The following ECT2 variants were observed in gnomAD, a reference collection of about 807,000 sequenced individuals.
The protein encoded by ECT2 is epithelial cell transforming 2, also known as protein ECT2.
A neutral mutation model predicts 116.9 loss-of-function variants in ECT2; 61 were observed. The ratio of observed to expected loss-of-function variants is 0.52; its 90% CI spans 0.42 to 0.65. ECT2 has a LOEUF of 0.65. Ranked by LOEUF, ECT2 falls within the 30% of genes least tolerant of loss-of-function variation. The pLI is 0.00. For synonymous variants in ECT2, 358 were observed against 346.4 expected (o/e 1.03, Z -0.37); for missense variants, 937 against 1,078.7 (o/e 0.87, Z 1.84).
intron 18 of ECT2, among the ~76,000 whole-genome samples, chr3:172,793,200 T>TCA (rs1430718172): frequency 6.6e-6 from 1 of 152,182 alleles, no homozygotes; most frequent in African/African-American, 2.4e-5. Flanking sequence ...GGAGTCTCAC[T>TCA]CTGTCTCCAG....
At chr3:172,784,648 T>C (rs80030791) in intron 16 of ECT2, 59 bp from the exon 17 acceptor site, 49,612 of 1,229,446 alleles carry the variant, frequency 0.04, 1,675 homozygotes, top group East Asian at 0.17. Context: ...CCAGTAAAAG[T>C]AGGGCATATA....
downstream of ECT2, among the ~76,000 whole-genome samples, chr3:172,822,480 T>C (rs1276525051): frequency 6.6e-6 from 1 of 151,942 alleles, no homozygotes; most frequent in African/African-American, 2.4e-5. Flanking sequence ...TACCAAAGAC[T>C]AGTTGAAGGG....
Position 172,757,080 on chromosome 3 carries a change from A to G in ECT2, c.401A>G (p.Gln134Arg), listed in dbSNP as rs747324409. The change falls in exon 5 of 25, where the codon CAG (glutamine) becomes CGG (arginine). Residue 134 changes from glutamine to arginine, a missense_variant. Transcript: ENST00000392692. The part of the protein sequence containing the change: ...FENVFVVTDF[Q>R]DSVFNDLYKA... Reference sequence around the variant, plus strand: ...AATGTATTTGTAGTCACGGACTTTCAGGATTCTGTCTTTAATGACCTCTAC... The same window carrying G: ...AATGTATTTGTAGTCACGGACTTTCGGGATTCTGTCTTTAATGACCTCTAC... 1 of 1,610,632 alleles carries G rather than the reference A, an allele frequency of 6.2e-7. No homozygotes were observed.
chr3:172,760,262 G>A lies in ECT2; in HGVS notation c.683G>A (p.Arg228Lys), dbSNP rs776775800. 1.9e-6 allele frequency: 3 copies of A among 1,602,070 alleles called. No homozygotes were observed. The Admixed American group carries it at 5.1e-5, about 27-fold the overall frequency. The change falls in exon 7 of 25, where the codon AGG (arginine) becomes AAG (lysine). Residue 228 changes from arginine (R) to lysine (K), a missense_variant and splice_region_variant. Physicochemically the swap from Arg to Lys is conservative, Grantham distance 26 (BLOSUM62 2). Coordinates refer to ENST00000392692, the MANE Select transcript of ECT2 (RefSeq NM_001258315.2). ...VANCTQGEKFRVAVSLGTPIM... is the reference protein window; with the variant it reads ...VANCTQGEKFKVAVSLGTPIM... ...AATTGTACACAAGGAGAAAAATTCA[G>A]GGTATGTAAACTTGGGTATTTTTGT...
chr3:172,751,993 G>A (rs1715959005), intron 1 of ECT2, among the ~76,000 whole-genome samples: 1 of 152,000 alleles, frequency 6.6e-6, no homozygotes, highest in South Asian at 2.1e-4. Context: ...ATCATCAGGG[G>A]CAATTTTAAT....
chr3:172,800,218 G>C (rs1434057798), intron 18 of ECT2, among the ~76,000 whole-genome samples: 1 of 152,160 alleles, frequency 6.6e-6, no homozygotes, highest in Non-Finnish European at 1.5e-5. Context: ...AAAACACTTG[G>C]GGCGCGTGGT....
intron 18 of ECT2, among the ~76,000 whole-genome samples, chr3:172,792,441 T>C (rs1277940863): frequency 3.1e-5 from 4 of 128,206 alleles, no homozygotes; most frequent in Admixed American, 2.9e-4. Flanking sequence ...ACGTGGAGTC[T>C]TTTATCTGGC....
chr3:172,797,055 A>AGTGTGTGTGTGT (rs2108924517), intron 18 of ECT2, among the ~76,000 whole-genome samples: 1 of 52,516 alleles, frequency 1.9e-5, no homozygotes, highest in Non-Finnish European at 4.4e-5. Flanking sequence ...TGTGTGTGTC[A>AGTGTGTGTGTGT]GGGTCTCATT....
chr3:172,760,096 T>G, intron 6 of ECT2, 60 bp from the exon 7 acceptor site: 1 of 1,078,794 alleles, frequency 9.3e-7, no homozygotes. Flanking sequence ...GGGGTAAACA[T>G]AGTTTAAAAT....
chr3:172,805,945 G>GTAAATTAT, intron 21 of ECT2, 76 bp downstream of exon 21: 1 of 1,500,744 alleles, frequency 6.7e-7, no homozygotes, highest in African/African-American at 1.4e-5. Context: ...CTCCATTTTG[G>GTAAATTAT]CTTTTTTAAA....
At chr3:172,793,305 C>T (rs1576974758) in intron 18 of ECT2, among the ~76,000 whole-genome samples, 2 of 151,736 alleles carry the variant, frequency 1.3e-5, no homozygotes, top group African/African-American at 4.8e-5. Flanking sequence ...GCTGGGATTA[C>T]AGGCACGTGC....
In ECT2 at chr3:172,786,665, G is replaced by C. The variant is rs1723659422; in HGVS notation, c.1907+91G>C. 3 of 815,700 alleles carry C rather than the reference G, an allele frequency of 3.7e-6. No homozygotes were observed. The East Asian group carries it at 8.0e-5, about 22-fold the overall frequency. 50.5% of individuals were successfully genotyped at this position (815,700 alleles called of 1,614,324 possible). ...AATCATAAATAGGAAAATATCAATA[G>C]CAAATTTTTGTAAAATGTCTAGATT... On this transcript the variant is annotated intron_variant, in intron 18 of 24. Coordinates refer to ENST00000392692, the MANE Select transcript of ECT2 (RefSeq NM_001258315.2).
At chr3:172,785,680 G>A (rs1320770499) in intron 17 of ECT2, among the ~76,000 whole-genome samples, 3 of 152,088 alleles carry the variant, frequency 2.0e-5, no homozygotes, top group Admixed American at 6.5e-5. Flanking sequence ...GTTAGTATAT[G>A]AATTATAGTA....
intron 13 of ECT2, 114 bp downstream of exon 13, chr3:172,769,257 A>G (rs1720161458): frequency 9.6e-7 from 1 of 1,038,560 alleles, no homozygotes; most frequent in Non-Finnish European, 1.3e-6. Flanking sequence ...TTGAACATGG[A>G]TGTTAAAAAT....
chr3:172,806,758 A>G (rs1363217787), intron 21 of ECT2, among the ~76,000 whole-genome samples: 1 of 147,392 alleles, frequency 6.8e-6, no homozygotes, highest in East Asian at 2.0e-4. Context: ...CTCCTGCCTC[A>G]GCCTCCTGAG....
intron 17 of ECT2, 70 bp downstream of exon 17, chr3:172,784,873 T>C: frequency 7.3e-6 from 7 of 961,224 alleles, no homozygotes; most frequent in Non-Finnish European, 1.1e-5. Flanking sequence ...AAAAGATGAA[T>C]TTCTTCTCAT....
chr3:172,760,412 C>A, intron 7 of ECT2, 149 bp downstream of exon 7: 1 of 485,448 alleles, frequency 2.1e-6, no homozygotes, highest in Non-Finnish European at 3.6e-6. Context: ...AATTTTAAAT[C>A]ATAAGAGTGG....
chr3:172,799,441 AC>A (rs1347795796), intron 18 of ECT2, among the ~76,000 whole-genome samples: 2 of 152,132 alleles, frequency 1.3e-5, no homozygotes, highest in East Asian at 3.8e-4. Context: ...TGACACTCCT[AC>A]CCCTCTTGAT....
rs141339778 is a variant in ECT2 at position 172,766,911 on chromosome 3, A to G, written c.1292-2096A>G. Among the ~76,000 whole-genome samples, 285 of 152,324 alleles carry G rather than the reference A, an allele frequency of 1.9e-3. 1 individual carries two copies. The highest frequency in any genetic ancestry group is 6.7e-3 in the African/African-American group (278 of 41,564). ...GCATTTTAGGAGACAAGAGAACAAA[A>G]TGAACCACCGAAGTAAACAGATGTG... On this transcript the variant is annotated intron_variant, in intron 12 of 24. Coordinates refer to ENST00000392692, the MANE Select transcript of ECT2 (RefSeq NM_001258315.2).
Sources: allele counts gnomAD v4.1 joint callset (sites outside exome capture counted in the v4.1 genomes callset), GRCh38; gene constraint gnomAD v4.1.1; transcripts MANE v1.5; gene names NCBI Gene and HGNC (gene_info 2026-07-23, HGNC 2026-07-21).